Variants in ELK3 observed in about 807,000 individuals in gnomAD.
ELK3 encodes the protein ETS domain-containing protein Elk-3.
ELK3 carries 10 observed loss-of-function variants against 28.9 expected under a neutral mutation model. The ratio of observed to expected loss-of-function variants is 0.35; its 90% CI spans 0.21 to 0.59. The LOEUF (loss-of-function observed/expected upper bound fraction) is 0.59. Among genes scored for constraint, ELK3 ranks in the 20% least tolerant of loss-of-function variants. The pLI is 0.82. For synonymous variants in ELK3, 272 were observed against 243.5 expected, an observed-to-expected ratio of 1.12 and a Z score of -1.09; for missense variants, 463 against 517.3, an observed-to-expected ratio of 0.90 and a Z score of 1.02.
chr12:96,223,839 A>T, intron 2 of ELK3, 66 bp downstream of exon 2: 1 of 1,480,532 alleles, frequency 6.8e-7, no homozygotes, highest in South Asian at 1.2e-5. Context: ...TAGTTCACTG[A>T]TGAAAGAAAA....
intron 2 of ELK3, among the ~76,000 whole-genome samples, chr12:96,242,569 G>A (rs1189478965): frequency 6.6e-6 from 1 of 152,178 alleles, no homozygotes; most frequent in Admixed American, 6.5e-5. Flanking sequence ...CGCTGCTTCT[G>A]GGGGCAGCCC....
chr12:96,226,700 A>G (rs929612356), intron 2 of ELK3, among the ~76,000 whole-genome samples: 5 of 150,344 alleles, frequency 3.3e-5, no homozygotes, highest in African/African-American at 1.3e-4. Context: ...GTGCACACGC[A>G]TACATGTACA....
Position 96,223,772 on chromosome 12 carries a change from A to G in ELK3, c.206A>G (p.Lys69Arg). The G allele has an allele frequency of 2.5e-6, 4 of 1,614,040 alleles. No homozygotes were observed. Among genetic ancestry groups the G allele is most frequent in the Non-Finnish European group, 3.4e-6 (4 of 1,180,008 alleles). Residue 69 changes from lysine (K) to arginine (R), a missense_variant and splice_region_variant, in exon 2 of 5, where the codon AAG (lysine) becomes AGG (arginine). Lys to Arg is a conservative substitution (Grantham distance 26). Coordinates refer to ENST00000228741, the MANE Select transcript of ELK3 (RefSeq NM_005230.4). ...LSRALRYYYD[K>R]NIIKKVIGQK... Reference sequence around the variant, plus strand: ...AGAGCCCTGCGATACTATTATGACAAGGTAAACCCTTGACCTTGCATGGGG... The same window carrying G: ...AGAGCCCTGCGATACTATTATGACAGGGTAAACCCTTGACCTTGCATGGGG...
intron 1 of ELK3, among the ~76,000 whole-genome samples, chr12:96,214,359 A>G (rs1951595839): frequency 6.6e-6 from 1 of 151,070 alleles, no homozygotes; most frequent in Admixed American, 6.6e-5. Flanking sequence ...TGAACCTGGG[A>G]GGCGGAGCTT....
At chr12:96,218,897 C>T (rs1288669850) in intron 1 of ELK3, among the ~76,000 whole-genome samples, 2 of 152,162 alleles carry the variant, frequency 1.3e-5, no homozygotes, top group Non-Finnish European at 2.9e-5. Context: ...ATCCGCCCGC[C>T]TCGGCCTCGC....
rs781029929 is a variant in ELK3 at position 96,247,536 on chromosome 12, C to T, written c.804C>T (p.Ser268=). ...TCCTGGAGGCCGCCTGCCATGACTC[C>T]GATTCCCTGGAGCCCTTGAACCTGT... is the stretch of plus-strand genomic sequence containing the variant. ...SLFLEAACHD[S]DSLEPLNLSS... The change falls in exon 3 of 5, where the codon TCC becomes TCT. Residue 268 remains serine (S), a synonymous_variant. Coordinates refer to ENST00000228741, the MANE Select transcript of ELK3 (RefSeq NM_005230.4). The surrounding 1 kb of genome is among the most constrained non-coding windows in gnomAD (Gnocchi z 5.5). The T allele has an allele frequency of 4.0e-5, 65 of 1,614,024 alleles. No individual in the cohort carries two copies. Among genetic ancestry groups the T allele is most frequent in the South Asian group, 3.8e-4 (35 of 91,082 alleles).
At chr12:96,204,838 A>G (rs1025940967) in intron 1 of ELK3, among the ~76,000 whole-genome samples, 2 of 152,238 alleles carry the variant, frequency 1.3e-5, no homozygotes, top group Middle Eastern at 3.2e-3. Context: ...GTTAACGCTC[A>G]TTGAACTGGA....
At chr12:96,262,017 C>CTTTTT (rs57348208) in intron 4 of ELK3, among the ~76,000 whole-genome samples, 1 of 115,640 alleles carries the variant, frequency 8.6e-6, no homozygotes, top group African/African-American at 3.2e-5. Flanking sequence ...CTGATAAAAA[C>CTTTTT]TTTTTTTTTT....
chr12:96,214,805 CTAA>C (rs1951599585), intron 1 of ELK3, among the ~76,000 whole-genome samples: 2 of 152,030 alleles, frequency 1.3e-5, no homozygotes, highest in Admixed American at 6.5e-5. Context: ...TTGCAGATCC[CTAA>C]TAATATAAAA....
At chr12:96,267,054 T>C in intron 4 of ELK3, 28 bp from the exon 5 acceptor site, 1 of 1,589,508 alleles carries the variant, frequency 6.3e-7, no homozygotes, top group Non-Finnish European at 8.6e-7. Flanking sequence ...TTGCAATAAT[T>C]ATTGTAAAAA....
chr12:96,240,544 G>A (rs1327814742), intron 2 of ELK3, among the ~76,000 whole-genome samples: 3 of 152,170 alleles, frequency 2.0e-5, no homozygotes, highest in Non-Finnish European at 4.4e-5. Flanking sequence ...AATCCCTGCA[G>A]CAGTCTTTGT....
intron 2 of ELK3, among the ~76,000 whole-genome samples, chr12:96,229,856 G>T (rs368619224): frequency 6.6e-6 from 1 of 152,084 alleles, no homozygotes. Flanking sequence ...TGAGGATACC[G>T]GTCATTGGAT....
At position 96,269,395 on chromosome 12, in the gene ELK3, A is replaced by G. The variant is rs1346211024; in HGVS notation, c.*2215A>G. The stretch of plus-strand genomic sequence containing the variant: ...GCTGATTGGAAATATTTAAATGACT[A>G]TAGATCTGATTCTTTCTTTTCCTTT... On this transcript the variant is annotated 3_prime_UTR_variant, in exon 5 of 5. Transcript: ENST00000228741. 6.6e-6 allele frequency: 1 copy of G among 152,240 alleles called. No homozygotes were observed. Among genetic ancestry groups the G allele is most frequent in the Non-Finnish European group, 1.5e-5 (1 of 68,046 alleles). The allele number at this position is 152,240 out of a possible 1,614,324, so 9.4% of individuals were successfully genotyped here. A position where few individuals can be genotyped will look rare whatever the true frequency, so the allele number is the denominator to read the frequency against.
intron 2 of ELK3, among the ~76,000 whole-genome samples, chr12:96,245,829 C>T (rs1041000275): frequency 1.3e-5 from 2 of 152,080 alleles, no homozygotes; most frequent in African/African-American, 4.8e-5. Context: ...AATATAAAGT[C>T]CCTTCTCCCA....
At chr12:96,201,789 T>C (rs375655811) in intron 1 of ELK3, among the ~76,000 whole-genome samples, 2 of 152,158 alleles carry the variant, frequency 1.3e-5, no homozygotes, top group East Asian at 3.8e-4. Context: ...AGCTATTTTG[T>C]GGTGGAAAAG....
At chr12:96,220,548 CAGCTGGTTTTTTGTATTTT>C (rs1328116711) in intron 1 of ELK3, among the ~76,000 whole-genome samples, 2 of 151,930 alleles carry the variant, frequency 1.3e-5, no homozygotes, top group Non-Finnish European at 2.9e-5. Context: ...CCACCACGCC[CAGCTGGTTTTTTGTATTTT>C]TAGTAGAGAT....
At chr12:96,257,187 G>A (rs117264861) in intron 3 of ELK3, among the ~76,000 whole-genome samples, 1,862 of 152,306 alleles carry the variant, frequency 0.012, 17 homozygotes, top group South Asian at 0.035. Context: ...GAGAGGCTGT[G>A]AAGTCTCACA....
intron 2 of ELK3, among the ~76,000 whole-genome samples, chr12:96,246,196 A>G (rs1951854200): frequency 6.6e-6 from 1 of 152,220 alleles, no homozygotes; most frequent in Non-Finnish European, 1.5e-5. Flanking sequence ...ATGGTTCAGG[A>G]CATGCTGCCT....
At chr12:96,217,198 C>G (rs536532664) in intron 1 of ELK3, among the ~76,000 whole-genome samples, 9 of 152,334 alleles carry the variant, frequency 5.9e-5, no homozygotes, top group African/African-American at 1.9e-4. Context: ...CTGCAGTGAG[C>G]CAAGATCGTG....
Sources: allele counts gnomAD v4.1 joint callset (sites outside exome capture counted in the v4.1 genomes callset), GRCh38; gene constraint gnomAD v4.1.1; non-coding constraint Gnocchi (gnomAD v3.1); transcripts MANE v1.5; gene names NCBI Gene and HGNC (gene_info 2026-07-23, HGNC 2026-07-21).